Variants in SPEF2 observed in about 807,000 individuals in gnomAD.
The protein encoded by SPEF2 is sperm flagella and cilia-associated protein 2.
SPEF2 carries 187 observed loss-of-function variants against 224.6 expected under a neutral mutation model. That is an observed-to-expected ratio of 0.83 (90% CI 0.74 to 0.94). The LOEUF (loss-of-function observed/expected upper bound fraction) is 0.94, where lower values mean the gene tolerates loss of function less well. Ranked by LOEUF, SPEF2 falls within the 40% of genes least tolerant of loss-of-function variation. SPEF2 has a pLI of 0.00. For synonymous variants in SPEF2, 715 were observed against 707.3 expected (o/e 1.01, Z -0.17); for missense variants, 2,170 against 2,135.6 (o/e 1.02, Z -0.32).
At position 35,644,402 on chromosome 5, in the gene SPEF2, G is replaced by C. The variant is rs1437081658; in HGVS notation, c.462G>C (p.Arg154=). ...GTCAAACTGATTTCAATCTGATGCGGATTACATACAGGTTTCAAGAAAAAT... is the reference window on the plus strand; with the variant it reads ...GTCAAACTGATTTCAATCTGATGCGCATTACATACAGGTTTCAAGAAAAAT... ...IPRQTDFNLM[R]ITYRFQEKYK... The change falls in exon 4 of 37, where the codon CGG becomes CGC. Residue 154 remains arginine (R), a synonymous_variant. Coordinates refer to ENST00000356031, the MANE Select transcript of SPEF2 (RefSeq NM_024867.4). The C allele has an allele frequency of 6.2e-7, 1 of 1,607,668 alleles. No homozygotes were observed. The highest frequency in any genetic ancestry group is 1.3e-5 in the African/African-American group (1 of 74,654).
At chr5:35,777,312 A>AAAAC (rs1330948331) in intron 29 of SPEF2, among the ~76,000 whole-genome samples, 1 of 152,176 alleles carries the variant, frequency 6.6e-6, no homozygotes, top group East Asian at 1.9e-4. Context: ...GCTCCATAGT[A>AAAAC]AAACAAACAA....
intron 23 of SPEF2, among the ~76,000 whole-genome samples, chr5:35,743,017 A>AT (rs1214902886): frequency 6.6e-6 from 1 of 151,382 alleles, no homozygotes; most frequent in Non-Finnish European, 1.5e-5. Context: ...ATCTCATTTT[A>AT]TTTTTTTCAG....
At position 35,762,262 on chromosome 5, in the gene SPEF2, A is replaced by G. The variant is rs563470798; in HGVS notation, c.3621-1260A>G. Among the ~76,000 whole-genome samples, 5 of 152,274 alleles carry G rather than the reference A, an allele frequency of 3.3e-5. No homozygotes were observed. In the East Asian group the frequency reaches 5.8e-4, roughly 18 times the overall value. The stretch of plus-strand genomic sequence containing the variant: ...GTTCTTTCCAGTAAATAAATTCTAA[A>G]TGCAAATTCGTTTTCTAAGTTATAT... On this transcript the variant is annotated intron_variant, in intron 25 of 36. Transcript: ENST00000356031.
chr5:35,634,056 C>T (rs1175216317), intron 2 of SPEF2, among the ~76,000 whole-genome samples: 1 of 151,866 alleles, frequency 6.6e-6, no homozygotes, highest in African/African-American at 2.4e-5. Context: ...TAGTTACGAA[C>T]AAAAATATAT....
chr5:35,714,680 TTTTATTTATTTA>T (rs70973053), intron 20 of SPEF2, among the ~76,000 whole-genome samples: 1,646 of 134,556 alleles, frequency 0.012, 40 homozygotes, highest in African/African-American at 0.044. Context: ...TTGGGTTTAT[TTTTATTTATTTA>T]TTTATTTATT....
intron 30 of SPEF2, chr5:35,788,906 A>C (rs1755567096): frequency 5.7e-6 from 4 of 702,906 alleles, no homozygotes; most frequent in African/African-American, 1.7e-5. Context: ...AACTGCTTTC[A>C]AAGGCCTTCA....
intron 10 of SPEF2, among the ~76,000 whole-genome samples, chr5:35,683,174 A>G (rs149411187): frequency 6.6e-6 from 1 of 152,200 alleles, no homozygotes; most frequent in African/African-American, 2.4e-5. Flanking sequence ...ACAACAGGAT[A>G]TAGAGAGGCA....
intron 8 of SPEF2, among the ~76,000 whole-genome samples, chr5:35,666,539 T>G (rs537664619): frequency 7.9e-5 from 12 of 152,324 alleles, no homozygotes; most frequent in Admixed American, 6.5e-4. Context: ...TAACATTTGT[T>G]GGCAAATGTG....
chr5:35,645,604 CTT>C (rs1239681994), intron 4 of SPEF2, among the ~76,000 whole-genome samples: 1 of 152,122 alleles, frequency 6.6e-6, no homozygotes, highest in Non-Finnish European at 1.5e-5. Flanking sequence ...AGAAAGCACT[CTT>C]AAAGTAGTGT....
In SPEF2 at chr5:35,793,195, G is replaced by T. The variant is rs201259522; in HGVS notation, c.4591G>T (p.Glu1531Ter). 1 of 1,614,078 alleles carries T rather than the reference G, an allele frequency of 6.2e-7. No individual in the cohort carries two copies. Among genetic ancestry groups the T allele is most frequent in the Non-Finnish European group, 8.5e-7 (1 of 1,179,998 alleles). Residue 1531 changes from glutamate (E) to a stop codon, truncating the protein, a stop_gained, in exon 32 of 37, where the codon GAG (glutamate) becomes TAG (stop). Transcript: ENST00000356031. LOFTEE classifies it high-confidence loss of function. ...AACATCTTTATTAACAGTCAACTCC[G>T]AGTTCGTGGACTGGCGGAAGTTCCT... ...ELTSLLTVNS[E>*]FVDWRKFLLV... is the part of the protein sequence containing the mutation.
intron 7 of SPEF2, among the ~76,000 whole-genome samples, chr5:35,656,339 C>T (rs1290541213): frequency 6.6e-6 from 1 of 152,142 alleles, no homozygotes; most frequent in Non-Finnish European, 1.5e-5. Context: ...ATGGATTCCA[C>T]TTCTTTCTTA....
intron 36 of SPEF2, chr5:35,807,561 C>A: frequency 7.6e-7 from 1 of 1,312,354 alleles, no homozygotes; most frequent in Non-Finnish European, 1.1e-6. Flanking sequence ...AATAAGATTC[C>A]TCCTGCCAAA....
At chr5:35,777,951 A>C (rs1362439520) in intron 29 of SPEF2, among the ~76,000 whole-genome samples, 1 of 152,140 alleles carries the variant, frequency 6.6e-6, no homozygotes, top group African/African-American at 2.4e-5. Flanking sequence ...CTCAGCAGCT[A>C]TCCAGTGACC....
At chr5:35,737,131 T>TG (rs1213741785) in intron 21 of SPEF2, among the ~76,000 whole-genome samples, 1 of 152,234 alleles carries the variant, frequency 6.6e-6, no homozygotes, top group Non-Finnish European at 1.5e-5. Flanking sequence ...TCTTTTTTTT[T>TG]GTCATATCCT....
chr5:35,798,718 C>T (rs1014634352), intron 33 of SPEF2, among the ~76,000 whole-genome samples: 3 of 152,080 alleles, frequency 2.0e-5, no homozygotes, highest in African/African-American at 4.8e-5. Context: ...CTCAGCCTCT[C>T]GAGCAGCTGG....
chr5:35,814,183 T>C (rs1010141933), intron 36 of SPEF2, among the ~76,000 whole-genome samples: 15 of 152,202 alleles, frequency 9.9e-5, no homozygotes, highest in African/African-American at 3.6e-4. Flanking sequence ...CCAGGTTCTG[T>C]GTAACTGCTT....
intron 6 of SPEF2, among the ~76,000 whole-genome samples, chr5:35,653,715 G>A (rs534058914): frequency 6.6e-6 from 1 of 152,242 alleles, no homozygotes; most frequent in Admixed American, 6.5e-5. Context: ...GGGAGGCCGA[G>A]GCAGGCAGAT....
At chr5:35,648,726 G>GT (rs988038916) in intron 5 of SPEF2, among the ~76,000 whole-genome samples, 1 of 152,172 alleles carries the variant, frequency 6.6e-6, no homozygotes, top group Non-Finnish European at 1.5e-5. Flanking sequence ...CATGAGGAAT[G>GT]TTTAAAACAC....
chr5:35,811,159 G>C (rs1758509314), intron 36 of SPEF2, among the ~76,000 whole-genome samples: 1 of 151,660 alleles, frequency 6.6e-6, no homozygotes, highest in Non-Finnish European at 1.5e-5. Context: ...AAGAATCTTT[G>C]AAGACTCAAA....
Sources: allele counts gnomAD v4.1 joint callset (sites outside exome capture counted in the v4.1 genomes callset), GRCh38; gene constraint gnomAD v4.1.1; transcripts MANE v1.5; gene names NCBI Gene and HGNC (gene_info 2026-07-23, HGNC 2026-07-21).